PTPRD: variants seen among roughly 807,000 people sequenced by gnomAD.
PTPRD encodes the protein protein tyrosine phosphatase receptor type D, also known as receptor-type tyrosine-protein phosphatase delta.
A neutral mutation model predicts 214.5 loss-of-function variants in PTPRD; 34 were observed. The ratio of observed to expected loss-of-function variants is 0.16; its 90% CI spans 0.12 to 0.21. The LOEUF (loss-of-function observed/expected upper bound fraction) is 0.21. Ranked by LOEUF, PTPRD falls within the 10% of genes least tolerant of loss-of-function variation. The pLI is 1.00. For synonymous variants in PTPRD, 1,128 were observed against 845.7 expected, an observed-to-expected ratio of 1.33 and a Z score of -5.79; for missense variants, 2,545 against 2,398.7, an observed-to-expected ratio of 1.06 and a Z score of -1.27.
intron 35 of PTPRD, among the ~76,000 whole-genome samples, chr9:8,428,990 G>A (rs887847150): frequency 6.6e-6 from 1 of 152,166 alleles, no homozygotes; most frequent in Non-Finnish European, 1.5e-5. Context: ...CCCCTCTGCG[G>A]AGAAATACAA....
At chr9:9,282,726 C>G (rs566709447) in intron 9 of PTPRD, among the ~76,000 whole-genome samples, 1 of 151,482 alleles carries the variant, frequency 6.6e-6, no homozygotes, top group Admixed American at 6.6e-5. Context: ...TGTTTACTTT[C>G]CTTTAGAAAT....
intron 8 of PTPRD, among the ~76,000 whole-genome samples, chr9:9,527,415 A>G (rs1350699352): frequency 6.6e-6 from 1 of 152,198 alleles, no homozygotes; most frequent in Non-Finnish European, 1.5e-5. Context: ...CCATGTCACT[A>G]TCTTGTCAGT....
intron 11 of PTPRD, among the ~76,000 whole-genome samples, chr9:8,842,256 C>A (rs1479405510): frequency 1.3e-5 from 2 of 152,092 alleles, no homozygotes; most frequent in African/African-American, 4.8e-5. Context: ...AGTTCTGTGA[C>A]CAAATGAGAG....
intron 2 of PTPRD, among the ~76,000 whole-genome samples, chr9:10,541,842 A>T (rs1407006984): frequency 1.3e-5 from 2 of 152,102 alleles, no homozygotes; most frequent in Non-Finnish European, 1.5e-5. Context: ...TATATTTAAT[A>T]ACAAATGAGA....
chr9:10,037,034 T>C (rs907635902), intron 3 of PTPRD, among the ~76,000 whole-genome samples: 3 of 151,882 alleles, frequency 2.0e-5, no homozygotes, highest in Non-Finnish European at 2.9e-5. Flanking sequence ...TACAGGTATG[T>C]CCCACCATGC....
chr9:9,711,277 TA>T (rs985797050), intron 7 of PTPRD, among the ~76,000 whole-genome samples: 1 of 152,178 alleles, frequency 6.6e-6, no homozygotes, highest in Non-Finnish European at 1.5e-5. Flanking sequence ...TATTCTTGTT[TA>T]TATCAATTAA....
At chr9:9,632,353 C>A (rs2095621234) in intron 7 of PTPRD, among the ~76,000 whole-genome samples, 1 of 145,680 alleles carries the variant, frequency 6.9e-6, no homozygotes, top group African/African-American at 2.7e-5. Context: ...ATGAAATGTC[C>A]AGAATAGGCA....
At chr9:9,583,129 A>G (rs1179529721) in intron 7 of PTPRD, among the ~76,000 whole-genome samples, 1 of 152,032 alleles carries the variant, frequency 6.6e-6, no homozygotes, top group Non-Finnish European at 1.5e-5. Context: ...AATTATTCTC[A>G]CAAAATCCAA....
At chr9:8,795,413 C>T (rs1230430881) in intron 11 of PTPRD, among the ~76,000 whole-genome samples, 2 of 152,100 alleles carry the variant, frequency 1.3e-5, no homozygotes, top group Non-Finnish European at 2.9e-5. Flanking sequence ...GGCAATTCGC[C>T]CACCTCAGCC....
At chr9:10,353,180 T>C (rs958403720) in intron 2 of PTPRD, among the ~76,000 whole-genome samples, 1 of 151,948 alleles carries the variant, frequency 6.6e-6, no homozygotes, top group Admixed American at 6.6e-5. Context: ...AACTTTATAT[T>C]TGAATTTATT....
chr9:9,903,594 T>C (rs1171156202), intron 5 of PTPRD, among the ~76,000 whole-genome samples: 2 of 152,148 alleles, frequency 1.3e-5, no homozygotes, highest in African/African-American at 2.4e-5. Flanking sequence ...GCTCTGTTAA[T>C]ATTTACTGAA....
At chr9:9,244,587 T>C (rs988425896) in intron 9 of PTPRD, among the ~76,000 whole-genome samples, 41 of 152,146 alleles carry the variant, frequency 2.7e-4, no homozygotes, top group Non-Finnish European at 5.4e-4. Context: ...TAGCCATACG[T>C]AAAAAGCTGA....
chr9:9,899,366 T>C (rs1336627895), intron 5 of PTPRD, among the ~76,000 whole-genome samples: 2 of 151,988 alleles, frequency 1.3e-5, no homozygotes, highest in African/African-American at 2.4e-5. Context: ...AGCAAAATAA[T>C]AATAATTTAT....
chr9:8,774,486 C>T (rs1287163669), intron 11 of PTPRD, among the ~76,000 whole-genome samples: 1 of 145,532 alleles, frequency 6.9e-6, no homozygotes, highest in Non-Finnish European at 1.5e-5. Flanking sequence ...ATAAATGCAA[C>T]AATGTTACAC....
intron 6 of PTPRD, among the ~76,000 whole-genome samples, chr9:9,754,273 C>G (rs1195581810): frequency 1.3e-5 from 2 of 152,014 alleles, no homozygotes; most frequent in Admixed American, 6.6e-5. Context: ...CCAGAGGGTA[C>G]AAATTCTTAC....
chr9:10,280,926 T>A (rs1051567265), intron 3 of PTPRD, among the ~76,000 whole-genome samples: 1 of 152,130 alleles, frequency 6.6e-6, no homozygotes, highest in South Asian at 2.1e-4. Flanking sequence ...AAATTTGAAT[T>A]TTTAAAAAGT....
At chr9:8,897,788 A>G (rs1226218009) in intron 11 of PTPRD, among the ~76,000 whole-genome samples, 1 of 152,158 alleles carries the variant, frequency 6.6e-6, no homozygotes, top group Non-Finnish European at 1.5e-5. Context: ...TAAACATTTG[A>G]TTCCTTGTCA....
Position 8,678,792 on chromosome 9 carries a change from C to T in PTPRD, c.65-41948G>A, listed in dbSNP as rs2097490135. On this transcript the variant is annotated intron_variant, in intron 12 of 45. Coordinates refer to ENST00000381196, the MANE Select transcript of PTPRD (RefSeq NM_002839.4). ...CACAGATACATAAAAACACAGAACA[C>T]ATTTATATCCAGTCTAATAACATAA... Among the ~76,000 whole-genome samples, 4 of 152,118 alleles carry T rather than the reference C, an allele frequency of 2.6e-5. No individual in the cohort carries two copies. The South Asian group carries it at 8.3e-4, about 32-fold the overall frequency.
At chr9:9,001,745 G>T (rs1024413807) in intron 11 of PTPRD, among the ~76,000 whole-genome samples, 2 of 151,964 alleles carry the variant, frequency 1.3e-5, no homozygotes, top group African/African-American at 4.8e-5. Context: ...TCAACTTTTG[G>T]AGCCTACTAA....
Sources: allele counts gnomAD v4.1 joint callset (sites outside exome capture counted in the v4.1 genomes callset), GRCh38; gene constraint gnomAD v4.1.1; transcripts MANE v1.5; gene names NCBI Gene and HGNC (gene_info 2026-07-23, HGNC 2026-07-21).